The following ACACB variants were observed in gnomAD, a reference collection of about 807,000 sequenced individuals.
The protein encoded by ACACB is acetyl-CoA carboxylase 2.
ACACB carries 209 observed loss-of-function variants against 278.8 expected under a neutral mutation model. The ratio of observed to expected loss-of-function variants is 0.75; its 90% CI spans 0.67 to 0.84. The LOEUF is 0.84. Ranked by LOEUF, ACACB falls within the 40% of genes least tolerant of loss-of-function variation. The probability of loss-of-function intolerance (pLI) is 0.00; values close to 1 mark genes in which losing one functional copy is unlikely to be tolerated. For synonymous variants in ACACB, 1,174 were observed against 1,285.6 expected (o/e 0.91, Z 1.86); for missense variants, 2,850 against 3,269.0 (o/e 0.87, Z 3.13).
In ACACB at chr12:109,176,000, AT is replaced by A. The variant is rs1474334105; in HGVS notation, c.1287del (p.Tyr429Ter). 1 of 1,614,194 alleles carries A rather than the reference AT, an allele frequency of 6.2e-7. No individual in the cohort carries two copies. The highest frequency in any genetic ancestry group is 2.2e-5 in the East Asian group (1 of 44,882). On this transcript the variant is annotated frameshift_variant, in exon 8 of 53. Transcript: ENST00000338432. LOFTEE classifies it high-confidence loss of function. Reference sequence around the variant, plus strand: ...AGAATCAGTGTCCCAGAAGATGTTTATGACAAGGGTTGCGTGAAAGACGTAG... The same window carrying A: ...AGAATCAGTGTCCCAGAAGATGTTTAGACAAGGGTTGCGTGAAAGACGTAG... ...GKRISVPEDVYDKGCVKDVDE... is the reference protein window; with the variant it reads ...GKRISVPEDVXDKGCVKDVDE...
At chr12:109,148,901 T>C (rs1378606936) in intron 2 of ACACB, among the ~76,000 whole-genome samples, 1 of 152,190 alleles carries the variant, frequency 6.6e-6, no homozygotes, top group Non-Finnish European at 1.5e-5. Context: ...TATGAGTGAT[T>C]TAAATTTTCT....
At chr12:109,133,863 A>ATTTTT (rs67896522) in intron 1 of ACACB, among the ~76,000 whole-genome samples, 8 of 70,644 alleles carry the variant, frequency 1.1e-4, no homozygotes, top group African/African-American at 2.7e-4. Flanking sequence ...ATATATATAT[A>ATTTTT]TTTTTTTTTT....
At chr12:109,218,832 G>A (rs1183749093) in intron 24 of ACACB, among the ~76,000 whole-genome samples, 1 of 150,334 alleles carries the variant, frequency 6.7e-6, no homozygotes, top group Non-Finnish European at 1.5e-5. Context: ...GCAGTGGCAC[G>A]ATCTCTGTTC....
At position 109,201,503 on chromosome 12, in the gene ACACB, T is replaced by C. The variant is rs998147260; in HGVS notation, c.2779-64T>C. On this transcript the variant is annotated intron_variant, in intron 18 of 52. Transcript: ENST00000338432. ...CGCGTCCCTGCTCCGGCATCACTAG[T>C]TCTGGGTGGCTCTGGGTGTCAATCC... is the stretch of plus-strand genomic sequence containing the variant. 3.1e-6 allele frequency: 5 copies of C among 1,595,096 alleles called. No homozygotes were observed. In the African/African-American group the frequency reaches 6.7e-5, roughly 21 times the overall value.
At chr12:109,202,087 C>G (rs986479298) in intron 19 of ACACB, among the ~76,000 whole-genome samples, 1 of 152,186 alleles carries the variant, frequency 6.6e-6, no homozygotes, top group Non-Finnish European at 1.5e-5. Flanking sequence ...CTACCCCAGA[C>G]TTTGCAGGGA....
intron 2 of ACACB, among the ~76,000 whole-genome samples, chr12:109,161,159 T>G (rs1253699119): frequency 1.3e-5 from 2 of 152,192 alleles, no homozygotes; most frequent in African/African-American, 2.4e-5. Flanking sequence ...ATCCCACTAC[T>G]GGGTATGTAC....
chr12:109,134,752 C>G (rs977467772), intron 1 of ACACB, among the ~76,000 whole-genome samples: 1 of 152,156 alleles, frequency 6.6e-6, no homozygotes, highest in Non-Finnish European at 1.5e-5. Flanking sequence ...AGTTTTGCCT[C>G]CCATGGGACA....
At chr12:109,117,270 G>A (rs528854616) in intron 1 of ACACB, among the ~76,000 whole-genome samples, 1 of 149,150 alleles carries the variant, frequency 6.7e-6, no homozygotes, top group Non-Finnish European at 1.5e-5. Flanking sequence ...TGAGGCAGGA[G>A]AATCGCTTGA....
chr12:109,204,327 T>C (rs914920507), intron 19 of ACACB, among the ~76,000 whole-genome samples: 1 of 142,490 alleles, frequency 7.0e-6, no homozygotes, highest in Non-Finnish European at 1.5e-5. Flanking sequence ...CAGGCTGGAG[T>C]GCAGTGGCGT....
intron 15 of ACACB, among the ~76,000 whole-genome samples, chr12:109,193,123 A>G (rs1167507015): frequency 6.6e-6 from 1 of 152,178 alleles, no homozygotes; most frequent in African/African-American, 2.4e-5. Context: ...AAGATTTCAA[A>G]TCCCTCAGCA....
intron 34 of ACACB, among the ~76,000 whole-genome samples, chr12:109,238,011 CAAAAAAAA>C (rs538671568): frequency 1.6e-5 from 1 of 61,348 alleles, no homozygotes; most frequent in Non-Finnish European, 3.5e-5. Flanking sequence ...GACCCTATCA[CAAAAAAAA>C]AAAAAAAAGA....
At chr12:109,219,970 GT>G (rs1344341482) in intron 24 of ACACB, among the ~76,000 whole-genome samples, 1 of 152,212 alleles carries the variant, frequency 6.6e-6, no homozygotes, top group African/African-American at 2.4e-5. Flanking sequence ...GTTTCCTGGA[GT>G]TTGAGTGTTT....
At position 109,194,512 on chromosome 12, in the gene ACACB, A is replaced by ATGTGTGTGCGTGTG. The variant is rs1555218202; in HGVS notation, c.2481+791_2481+792insCGTGTGTGTGTGTG. ...CCCCAACCTCTGCCTCTGTGTGTGC[A>ATGTGTGTGCGTGTG]TGTGTGTGTGTGTGTGTGTGTGTGT... On this transcript the variant is annotated intron_variant, in intron 16 of 52. Coordinates refer to ENST00000338432, the MANE Select transcript of ACACB (RefSeq NM_001093.4). 6.8e-5 allele frequency among the ~76,000 whole-genome samples: 6 copies of ATGTGTGTGCGTGTG among 88,822 alleles called. 1 individual carries two copies. Among genetic ancestry groups the ATGTGTGTGCGTGTG allele is most frequent in the African/African-American group, 2.6e-4 (6 of 23,388 alleles). The allele number at this position is 88,822 out of a possible 152,430, so 58.3% of individuals were successfully genotyped here. A position where few individuals can be genotyped will look rare whatever the true frequency, so the allele number is the denominator to read the frequency against.
chr12:109,213,445 T>C (rs149136560), intron 22 of ACACB, among the ~76,000 whole-genome samples: 3 of 152,296 alleles, frequency 2.0e-5, no homozygotes, highest in African/African-American at 7.2e-5. Context: ...TGGGATGAAA[T>C]AGCTTTATGT....
At chr12:109,233,111 A>G (rs779870160) in intron 29 of ACACB, among the ~76,000 whole-genome samples, 2 of 152,204 alleles carry the variant, frequency 1.3e-5, no homozygotes, top group African/African-American at 4.8e-5. Flanking sequence ...GAGACTGAGC[A>G]AAATATTTTT....
chr12:109,215,314 G>A (rs745793147), intron 22 of ACACB, among the ~76,000 whole-genome samples: 17 of 150,892 alleles, frequency 1.1e-4, no homozygotes, highest in African/African-American at 2.4e-4. Context: ...CCAGAAAGGC[G>A]CCCTCCCAAG....
chr12:109,161,730 T>TG (rs2043728407), intron 2 of ACACB, among the ~76,000 whole-genome samples: 1 of 102,286 alleles, frequency 9.8e-6, no homozygotes, highest in Non-Finnish European at 2.3e-5. Flanking sequence ...GTAGTATTCT[T>TG]TTGTGTGTAT....
intron 31 of ACACB, among the ~76,000 whole-genome samples, chr12:109,234,572 T>C (rs2046577702): frequency 6.6e-6 from 1 of 152,230 alleles, no homozygotes; most frequent in African/African-American, 2.4e-5. Context: ...TGAGACATCA[T>C]TGACATACTA....
chr12:109,139,367 C>G, intron 1 of ACACB, 30 bp from the exon 2 acceptor site: 29 of 1,573,498 alleles, frequency 1.8e-5, no homozygotes, highest in South Asian at 3.5e-5. Context: ...TTATGTAAAT[C>G]CTAAAATGTC....
Sources: gnomAD v4.1 joint callset for allele counts (sites outside exome capture counted in the v4.1 genomes callset) on GRCh38, gnomAD v4.1.1 for gene constraint, MANE v1.5 for transcripts, NCBI Gene and HGNC (gene_info 2026-07-23, HGNC 2026-07-21) for gene names.